FGA: variants seen among roughly 807,000 people sequenced by gnomAD.
FGA encodes fibrinogen, A alpha polypeptide.
Under a neutral mutation model 20.3 loss-of-function variants are expected in FGA, and 20 were observed. The ratio of observed to expected loss-of-function variants is 0.99; its 90% CI spans 0.69 to 1.43. FGA has a LOEUF of 1.43. FGA is among the 40% of genes most tolerant of loss of function. The probability of loss-of-function intolerance (pLI) is 0.00; values close to 1 mark genes in which losing one functional copy is unlikely to be tolerated. For missense variants in FGA, 777 were observed against 784.7 expected (o/e 0.99, Z 0.12); for synonymous variants, 306 against 281.6 (o/e 1.09, Z -0.87).
At chr4:154,589,100 T>A in intron 2 of FGA, 124 bp from the exon 3 acceptor site, 1 of 872,162 alleles carries the variant, frequency 1.1e-6, no homozygotes, top group Non-Finnish European at 1.9e-6. Context: ...GGCTTAAAAG[T>A]AGGTAAGAGG....
chr4:154,590,556 GGTA>G, intron 1 of FGA, 75 bp downstream of exon 1: 1 of 1,208,536 alleles, frequency 8.3e-7, no homozygotes, highest in Non-Finnish European at 1.2e-6. Flanking sequence ...ACATAGAGCA[GGTA>G]GACTCTGACC....
At chr4:154,589,056 C>G in intron 2 of FGA, 80 bp from the exon 3 acceptor site, 2 of 1,243,038 alleles carry the variant, frequency 1.6e-6, no homozygotes, top group Non-Finnish European at 2.4e-6. Context: ...ATGCAGCCCC[C>G]ATTTCTTCCT....
At chr4:154,584,404 C>T, downstream of FGA, 2 of 1,614,138 alleles carry the variant, frequency 1.2e-6, no homozygotes, top group Non-Finnish European at 1.7e-6. Flanking sequence ...GTACTCTGCC[C>T]CTTCCTCTAC....
chr4:154,586,593 G>C lies in FGA; in HGVS notation c.836C>G (p.Thr279Ser). ...CCTGGGGCTTTCCGTCTCTGATCCG[G>C]TTCCATAAGAGGTGGAGCCTCCTCG... Reference protein sequence around the residue: ...ITRGGSTSYGTGSETESPRNP... With the variant: ...ITRGGSTSYGSGSETESPRNP... The change falls in exon 5 of 5, where the codon ACC (threonine) becomes AGC (serine). Residue 279 changes from threonine to serine, a missense_variant. Transcript: ENST00000403106. 2 of 1,614,004 alleles carry C rather than the reference G, an allele frequency of 1.2e-6. No homozygotes were observed. Among genetic ancestry groups the C allele is most frequent in the Non-Finnish European group, 1.7e-6 (2 of 1,179,986 alleles).
At chr4:154,584,691 T>G, downstream of FGA, 1 of 1,614,120 alleles carries the variant, frequency 6.2e-7, no homozygotes, top group Non-Finnish European at 8.5e-7. Context: ...ATCCATCCAT[T>G]CTTTGCTGGA....
chr4:154,586,982 A>T, intron 4 of FGA, 64 bp from the exon 5 acceptor site: 1 of 1,492,502 alleles, frequency 6.7e-7, no homozygotes, highest in South Asian at 1.1e-5. Context: ...ACGTCTATTG[A>T]GTTCCTGGTA....
chr4:154,589,860 A>G (rs1578799863), intron 1 of FGA, among the ~76,000 whole-genome samples: 1 of 152,360 alleles, frequency 6.6e-6, no homozygotes, highest in Admixed American at 6.5e-5. Context: ...CCATCCTAAA[A>G]GGAAAATTAT....
At chr4:154,589,850 C>A (rs1254430622) in intron 1 of FGA, among the ~76,000 whole-genome samples, 1 of 152,146 alleles carries the variant, frequency 6.6e-6, no homozygotes, top group African/African-American at 2.4e-5. Context: ...TTTAAAGAAT[C>A]CATCCTAAAA....
intron 1 of FGA, among the ~76,000 whole-genome samples, chr4:154,589,993 C>G (rs1184667305): frequency 6.6e-6 from 1 of 152,200 alleles, no homozygotes; most frequent in Non-Finnish European, 1.5e-5. Context: ...AAAACCTAGA[C>G]TATCTTAACT....
intron 3 of FGA, among the ~76,000 whole-genome samples, chr4:154,588,558 C>G (rs992703289): frequency 3.3e-5 from 5 of 152,094 alleles, no homozygotes. Flanking sequence ...TGTTTTTAAT[C>G]CAAAATTCTG....
At position 154,585,463 on chromosome 4, in the gene FGA, G is replaced by C; in HGVS notation, c.*31C>G. On this transcript the variant is annotated 3_prime_UTR_variant, in exon 5 of 5. Transcript: ENST00000403106. ...TTAAGAAGGAAATGCAAGGGGCCAT[G>C]GGAACACTGTGCAGAAATATTTAAC... 1 of 1,419,860 alleles carries C rather than the reference G, an allele frequency of 7.0e-7. No homozygotes were observed. Among genetic ancestry groups the C allele is most frequent in the Non-Finnish European group, 1.0e-6 (1 of 1,004,512 alleles). The allele number at this position is 1,419,860 out of a possible 1,614,324, so 88.0% of individuals were successfully genotyped here.
At position 154,585,789 on chromosome 4, in the gene FGA, C is replaced by G; in HGVS notation, c.1640G>C (p.Arg547Thr). ...TGTGAAGATGCCAGATTCTGAGCCC[C>G]TAGACTCAGTCTCACTGACAAACTC... ...LGEFVSETES[R>T]GSESGIFTNT... The change falls in exon 5 of 5, where the codon AGG becomes ACG. Residue 547 changes from arginine (R) to threonine (T), a missense_variant. Physicochemically the swap from Arg to Thr is moderately conservative, Grantham distance 71. Coordinates refer to ENST00000403106, the MANE Select transcript of FGA (RefSeq NM_021871.4). 3.1e-6 allele frequency: 5 copies of G among 1,614,174 alleles called. No homozygotes were observed. Among genetic ancestry groups the G allele is most frequent in the Non-Finnish European group, 4.2e-6 (5 of 1,180,014 alleles).
chr4:154,584,089 A>AGAAGACAGAGTGCCCCCATTCCCACTTC, downstream of FGA: 4 of 1,369,318 alleles, frequency 2.9e-6, no homozygotes, highest in East Asian at 6.9e-5. Context: ...TCTCTAGCAA[A>AGAAGACAGAGTGCCCCCATTCCCACTTC]GAAGACAGAG....
chr4:154,584,269 C>T, downstream of FGA: 1 of 1,614,102 alleles, frequency 6.2e-7, no homozygotes, highest in Non-Finnish European at 8.5e-7. Context: ...GTAGTAGATT[C>T]CATTGAGATT....
chr4:154,589,620 G>A (rs1374601678), intron 1 of FGA, 58 bp from the exon 2 acceptor site: 8 of 1,594,464 alleles, frequency 5.0e-6, no homozygotes, highest in Non-Finnish European at 6.8e-6. Context: ...GCCAGAAGAG[G>A]AGACAGTGGC....
At position 154,585,406 on chromosome 4, in the gene FGA, A is replaced by G. The variant is rs545462504; in HGVS notation, c.*88T>C. 7 of 1,145,900 alleles carry G rather than the reference A, an allele frequency of 6.1e-6. No individual in the cohort carries two copies. In the South Asian group the frequency reaches 8.7e-5, roughly 14 times the overall value. The allele number at this position is 1,145,900 out of a possible 1,614,324, so 71.0% of individuals were successfully genotyped here. ...CAGTCTAGCACAAAAACAGACCAAA[A>G]AAGTGTAGTTTCAATGACGTGTAAC... On this transcript the variant is annotated 3_prime_UTR_variant, in exon 5 of 5. Transcript: ENST00000403106.
chr4:154,588,916 A>T lies in FGA; in HGVS notation c.241T>A (p.Phe81Ile). 2 of 1,613,640 alleles carry T rather than the reference A, an allele frequency of 1.2e-6. No homozygotes were observed. Among genetic ancestry groups the T allele is most frequent in the South Asian group, 2.2e-5 (2 of 91,038 alleles). Residue 81 changes from phenylalanine (F) to isoleucine (I), a missense_variant, in exon 3 of 5, where the codon TTT becomes ATT. Phe to Ile is a conservative substitution (Grantham distance 21). Coordinates refer to ENST00000403106, the MANE Select transcript of FGA (RefSeq NM_021871.4). ...TTGAGCTTATTTATTCTGTTTGTAAAATCTTGATTGACTTCATCAATCAAC... is the reference window on the plus strand; with the variant it reads ...TTGAGCTTATTTATTCTGTTTGTAATATCTTGATTGACTTCATCAATCAAC... ...KGLIDEVNQD[F>I]TNRINKLKNS...
At chr4:154,585,136 T>C, downstream of FGA, 1 of 847,054 alleles carries the variant, frequency 1.2e-6, no homozygotes, top group East Asian at 3.5e-5. Context: ...CTAACACAAC[T>C]TGTATTTAGC....
At chr4:154,584,641 C>T (rs1730664755), downstream of FGA, 1 of 1,614,154 alleles carries the variant, frequency 6.2e-7, no homozygotes, top group Non-Finnish European at 8.5e-7. Flanking sequence ...GCTGCCGAAA[C>T]CTCTCTTGTA....
Sources: gnomAD v4.1 joint callset for allele counts (sites outside exome capture counted in the v4.1 genomes callset) on GRCh38, gnomAD v4.1.1 for gene constraint, MANE v1.5 for transcripts, NCBI Gene and HGNC (gene_info 2026-07-23, HGNC 2026-07-21) for gene names.